The following PRKN variants were observed in gnomAD, a reference collection of about 807,000 sequenced individuals.
PRKN encodes parkin RBR E3 ubiquitin protein ligase.
In PRKN, 56 loss-of-function variants were observed where a neutral mutation model predicts 59.5. That is an observed-to-expected ratio of 0.94 (90% CI 0.76 to 1.18). The LOEUF is 1.18. Ranked by LOEUF, PRKN falls within the 50% of genes most tolerant of loss-of-function variation. The pLI is 0.00. For synonymous variants in PRKN, 250 were observed against 222.1 expected, an observed-to-expected ratio of 1.13 and a Z score of -1.12; for missense variants, 657 against 596.4, an observed-to-expected ratio of 1.10 and a Z score of -1.06.
chr6:162,609,795 T>A (rs1242512847), intron 1 of PRKN, among the ~76,000 whole-genome samples: 1 of 152,244 alleles, frequency 6.6e-6, no homozygotes, highest in Admixed American at 6.5e-5. Flanking sequence ...CTTTGTGTAA[T>A]CTATTTCACT....
In PRKN at chr6:161,467,415, C is replaced by A. The variant is rs1357157157; in HGVS notation, c.1084-80538G>T. On this transcript the variant is annotated intron_variant, in intron 9 of 11. Transcript: ENST00000366898. This position sits in a 1 kb window ranked among gnomAD's most constrained non-coding sequence, Gnocchi z 4.3. ...ATAAGTTCAGTCCAGCACACACTTA[C>A]CAAGTTCTTGTATGTGCTGGGCATT... 1.3e-5 allele frequency among the ~76,000 whole-genome samples: 2 copies of A among 152,182 alleles called. No individual in the cohort carries two copies. Among genetic ancestry groups the A allele is most frequent in the African/African-American group, 2.4e-5 (1 of 41,440 alleles).
intron 6 of PRKN, among the ~76,000 whole-genome samples, chr6:161,789,502 T>A (rs986580099): frequency 3.3e-5 from 5 of 152,166 alleles, no homozygotes; most frequent in Non-Finnish European, 7.3e-5. Flanking sequence ...AATACTCACC[T>A]TCATATTCAA....
rs566187645 is a variant in PRKN, at chr6:162,060,725, T to C, written c.535-6551A>G. Among the ~76,000 whole-genome samples the C allele has an allele frequency of 4.6e-5, 7 of 152,374 alleles. No individual in the cohort carries two copies. In the South Asian group the frequency reaches 1.2e-3, roughly 27 times the overall value. On this transcript the variant is annotated intron_variant, in intron 4 of 11. Transcript: ENST00000366898. ...TAAATGCTATAATCTGCTCATCATA[T>C]GTGAGTATATGCATTGATGCTTAAA...
chr6:162,688,745 T>C (rs996390062), intron 1 of PRKN, among the ~76,000 whole-genome samples: 41 of 152,326 alleles, frequency 2.7e-4, no homozygotes, highest in Admixed American at 3.3e-4. Context: ...TAAAGAGTTT[T>C]ATTTGCTCTC....
chr6:161,364,330 G>A (rs1785103908), intron 10 of PRKN, among the ~76,000 whole-genome samples: 1 of 151,218 alleles, frequency 6.6e-6, no homozygotes, highest in African/African-American at 2.4e-5. Flanking sequence ...GCGGTGGTGG[G>A]TGCCTGTAGT....
chr6:161,601,782 C>T (rs1782116014), intron 7 of PRKN, among the ~76,000 whole-genome samples: 1 of 152,090 alleles, frequency 6.6e-6, no homozygotes, highest in Non-Finnish European at 1.5e-5. Flanking sequence ...CGGGGTTTCA[C>T]CGTGTTAGCC....
intron 4 of PRKN, among the ~76,000 whole-genome samples, chr6:162,077,417 C>G (rs1395511962): frequency 2.6e-5 from 4 of 152,124 alleles, no homozygotes; most frequent in Non-Finnish European, 4.4e-5. Flanking sequence ...TATCCCACCA[C>G]AGTTCAGCAA....
intron 7 of PRKN, among the ~76,000 whole-genome samples, chr6:161,617,661 A>G (rs1217941113): frequency 6.6e-6 from 1 of 152,104 alleles, no homozygotes; most frequent in Non-Finnish European, 1.5e-5. Context: ...TGGTATTTAT[A>G]TTTTTTCTTA....
intron 3 of PRKN, among the ~76,000 whole-genome samples, chr6:162,254,735 T>C (rs966152239): frequency 3.9e-5 from 6 of 152,056 alleles, no homozygotes; most frequent in Non-Finnish European, 5.9e-5. Context: ...CTGTGACCTA[T>C]CCCTAGCTAA....
intron 6 of PRKN, among the ~76,000 whole-genome samples, chr6:161,936,524 G>A (rs1779363994): frequency 6.6e-6 from 1 of 151,790 alleles, no homozygotes; most frequent in Non-Finnish European, 1.5e-5. Flanking sequence ...CAGTTTTTGG[G>A]AGGCTCAAGG....
At chr6:162,341,903 TA>T (rs201948255) in intron 2 of PRKN, among the ~76,000 whole-genome samples, 64 of 144,898 alleles carry the variant, frequency 4.4e-4, no homozygotes, top group Admixed American at 1.0e-3. Context: ...CCTAATGTAT[TA>T]AAAAAAAAAA....
intron 8 of PRKN, among the ~76,000 whole-genome samples, chr6:161,565,170 A>G (rs1404372467): frequency 6.6e-6 from 1 of 151,870 alleles, no homozygotes; most frequent in Non-Finnish European, 1.5e-5. Context: ...GATGAGATCC[A>G]CCCTCAGCTT....
At chr6:161,716,452 G>A (rs1012927342) in intron 7 of PRKN, among the ~76,000 whole-genome samples, 2 of 152,182 alleles carry the variant, frequency 1.3e-5, no homozygotes, top group African/African-American at 4.8e-5. Context: ...AACCATGGCT[G>A]CACTATGAAC....
At chr6:161,757,355 GAATA>G (rs1211859428) in intron 7 of PRKN, among the ~76,000 whole-genome samples, 1 of 152,102 alleles carries the variant, frequency 6.6e-6, no homozygotes, top group Non-Finnish European at 1.5e-5. Flanking sequence ...CTTGCATGTA[GAATA>G]TATAAAGAAT....
chr6:162,687,444 A>AG (rs2128234300), intron 1 of PRKN, among the ~76,000 whole-genome samples: 1 of 152,228 alleles, frequency 6.6e-6, no homozygotes, highest in African/African-American at 2.4e-5. Flanking sequence ...TTGGCCTCCC[A>AG]AAGTGCTGGG....
At chr6:161,542,409 A>G (rs1166932440) in intron 9 of PRKN, among the ~76,000 whole-genome samples, 1 of 152,214 alleles carries the variant, frequency 6.6e-6, no homozygotes, top group Non-Finnish European at 1.5e-5. Context: ...ATGTCTGCCA[A>G]CTGATAGATG....
rs189345502 is a variant in PRKN, at chr6:162,041,516, T to C, written c.618+12575A>G. Among the ~76,000 whole-genome samples the C allele has an allele frequency of 9.6e-3, 1,469 of 152,310 alleles. 12 individuals carry two copies. Among genetic ancestry groups the C allele is most frequent in the Non-Finnish European group, 0.014 (959 of 68,018 alleles). ...CCATTCCCCCACCTCTCTCTCTTTC[T>C]AAACAGAGATTGGTTCTCACCATTT... On this transcript the variant is annotated intron_variant, in intron 5 of 11. Transcript: ENST00000366898.
At chr6:161,928,517 T>C (rs1779048494) in intron 6 of PRKN, among the ~76,000 whole-genome samples, 1 of 152,204 alleles carries the variant, frequency 6.6e-6, no homozygotes, top group Non-Finnish European at 1.5e-5. Flanking sequence ...TAAGTGAATA[T>C]ATATTTCAGC....
intron 3 of PRKN, among the ~76,000 whole-genome samples, chr6:162,246,072 T>C (rs1779180202): frequency 6.6e-6 from 1 of 152,152 alleles, no homozygotes; most frequent in South Asian, 2.1e-4. Context: ...CGTCTACATA[T>C]CTGTAATTCA....
Sources: gnomAD v4.1 joint callset for allele counts (sites outside exome capture counted in the v4.1 genomes callset) on GRCh38, gnomAD v4.1.1 for gene constraint, Gnocchi (gnomAD v3.1) non-coding constraint, MANE v1.5 for transcripts, NCBI Gene and HGNC (gene_info 2026-07-23, HGNC 2026-07-21) for gene names.